The following XRN1 variants were observed in gnomAD, a reference collection of about 807,000 sequenced individuals.
The protein encoded by XRN1 is strand-exchange protein 1 homolog.
In XRN1, 67 loss-of-function variants were observed where a neutral mutation model predicts 222.3. The ratio of observed to expected loss-of-function variants is 0.30; its 90% CI spans 0.25 to 0.37. The LOEUF is 0.37. Ranked by LOEUF, XRN1 falls within the 10% of genes least tolerant of loss-of-function variation. The pLI, the probability that XRN1 is intolerant of heterozygous loss-of-function variation, is 1.00. For missense variants in XRN1, 1,707 were observed against 2,000.2 expected (o/e 0.85, Z 2.80); for synonymous variants, 643 against 652.4 (o/e 0.99, Z 0.22).
At chr3:142,356,332 C>T (rs1241826803) in intron 31 of XRN1, among the ~76,000 whole-genome samples, 1 of 152,086 alleles carries the variant, frequency 6.6e-6, no homozygotes, top group Admixed American at 6.6e-5. Flanking sequence ...TTATCATCTA[C>T]TTATCTGTGT....
intron 2 of XRN1, among the ~76,000 whole-genome samples, chr3:142,432,112 A>T (rs2069629270): frequency 1.8e-5 from 2 of 112,424 alleles, no homozygotes; most frequent in South Asian, 4.6e-4. Context: ...TTATATATAA[A>T]TATATAAATA....
chr3:142,411,809 A>G (rs941822897), intron 15 of XRN1, among the ~76,000 whole-genome samples: 24 of 150,218 alleles, frequency 1.6e-4, no homozygotes, highest in Non-Finnish European at 2.8e-4. Context: ...AATCTTCTTT[A>G]TACTTACTGA....
At chr3:142,348,571 G>A (rs2066215171) in intron 32 of XRN1, among the ~76,000 whole-genome samples, 1 of 152,108 alleles carries the variant, frequency 6.6e-6, no homozygotes, top group Admixed American at 6.6e-5. Context: ...CAGCAGAAGT[G>A]GAGGCTAGAG....
chr3:142,373,359 C>T (rs1559826953), intron 25 of XRN1, among the ~76,000 whole-genome samples: 2 of 151,746 alleles, frequency 1.3e-5, no homozygotes, highest in Non-Finnish European at 2.9e-5. Context: ...AGGATCAGTC[C>T]AGAAGGTTTA....
Position 142,307,231 on chromosome 3 carries a change from C to T in XRN1, c.*4280G>A, listed in dbSNP as rs1018057354. On this transcript the variant is annotated 3_prime_UTR_variant, in exon 41 of 41. Transcript: ENST00000392981. ...TAAAGCTAACTATGGACCAAATTCTCATTCTTTTTAATGAGAAACAGCATG... is the reference window on the plus strand; with the variant it reads ...TAAAGCTAACTATGGACCAAATTCTTATTCTTTTTAATGAGAAACAGCATG... 6.6e-6 allele frequency: 1 copy of T among 152,110 alleles called. No individual in the cohort carries two copies. The highest frequency in any genetic ancestry group is 2.4e-5 in the African/African-American group (1 of 41,426). The allele number at this position is 152,110 out of a possible 1,614,324, so 9.4% of individuals were successfully genotyped here.
At position 142,335,451 on chromosome 3, in the gene XRN1, C is replaced by T. The variant is rs2065825735; in HGVS notation, c.3936G>A (p.Lys1312=). 1.9e-6 allele frequency: 3 copies of T among 1,613,720 alleles called. No individual in the cohort carries two copies. Among genetic ancestry groups the T allele is most frequent in the African/African-American group, 1.3e-5 (1 of 74,902 alleles). Residue 1312 remains lysine, a synonymous_variant, in exon 34 of 41, where the codon AAG becomes AAA. Coordinates refer to ENST00000392981, the MANE Select transcript of XRN1 (RefSeq NM_001282857.2). ...AECWSQKMSN[K]QPNSGIENFL... ...ATTTGATTTTAAGGAAGCTTACCTG[C>T]TTATTGGACATTTTTTGGGACCAAC... is the stretch of plus-strand genomic sequence containing the variant.
chr3:142,414,527 G>T (rs111250845), intron 13 of XRN1, among the ~76,000 whole-genome samples: 2 of 148,878 alleles, frequency 1.3e-5, no homozygotes, highest in African/African-American at 5.0e-5. Flanking sequence ...ACAGAGTCTC[G>T]CTCTGTTGCC....
intron 19 of XRN1, among the ~76,000 whole-genome samples, chr3:142,398,620 G>A (rs2068017500): frequency 6.6e-6 from 1 of 152,004 alleles, no homozygotes. Context: ...TCTCACCTCG[G>A]CCTCCCAAAG....
intron 31 of XRN1, 140 bp downstream of exon 31, chr3:142,356,772 T>C: frequency 1.3e-6 from 1 of 774,328 alleles, no homozygotes; most frequent in Non-Finnish European, 2.0e-6. Context: ...CCTAGTATCT[T>C]AAATTTGGAA....
chr3:142,387,363 G>A (rs562039340), intron 20 of XRN1, among the ~76,000 whole-genome samples: 1 of 152,178 alleles, frequency 6.6e-6, no homozygotes, highest in East Asian at 1.9e-4. Context: ...GGTGTACAAG[G>A]GACTTCCTTG....
In XRN1 at chr3:142,327,999, A is replaced by G. The variant is rs530676926; in HGVS notation, c.4404+1435T>C. Among the ~76,000 whole-genome samples, 12 of 152,260 alleles carry G rather than the reference A, an allele frequency of 7.9e-5. No individual in the cohort carries two copies. The East Asian group carries it at 2.3e-3, about 29-fold the overall frequency. ...ATGTTGCTGCAAAAGACATGGTTTC[A>G]TTCTTTTTTAAAATGTCTGAACAAT... On this transcript the variant is annotated intron_variant, in intron 37 of 40. Coordinates refer to ENST00000392981, the MANE Select transcript of XRN1 (RefSeq NM_001282857.2).
At chr3:142,402,193 C>G (rs2068167916) in intron 18 of XRN1, among the ~76,000 whole-genome samples, 2 of 149,908 alleles carry the variant, frequency 1.3e-5, no homozygotes, top group African/African-American at 2.5e-5. Context: ...TTTTTTTTTC[C>G]TTTTTTGAGA....
intron 14 of XRN1, among the ~76,000 whole-genome samples, chr3:142,412,883 GACTT>G (rs921360400): frequency 3.3e-5 from 5 of 152,062 alleles, no homozygotes; most frequent in Non-Finnish European, 5.9e-5. Flanking sequence ...ACATTTTACT[GACTT>G]AGTTATGCAG....
At chr3:142,333,324 G>A (rs962950976) in intron 34 of XRN1, among the ~76,000 whole-genome samples, 1 of 152,050 alleles carries the variant, frequency 6.6e-6, no homozygotes, top group African/African-American at 2.4e-5. Context: ...CTCTTCAATA[G>A]CTTAATATTA....
At chr3:142,401,082 A>G (rs2068111648) in intron 18 of XRN1, among the ~76,000 whole-genome samples, 1 of 152,200 alleles carries the variant, frequency 6.6e-6, no homozygotes, top group African/African-American at 2.4e-5. Flanking sequence ...GAAAAGAACT[A>G]TTGACTGTTT....
intron 29 of XRN1, among the ~76,000 whole-genome samples, chr3:142,361,585 T>C (rs2066631822): frequency 6.6e-6 from 1 of 152,202 alleles, no homozygotes; most frequent in Non-Finnish European, 1.5e-5. Flanking sequence ...AGTTGCCCTA[T>C]ATCATTGTCA....
At chr3:142,419,896 A>G (rs2068939479) in intron 10 of XRN1, among the ~76,000 whole-genome samples, 1 of 152,194 alleles carries the variant, frequency 6.6e-6, no homozygotes, top group Non-Finnish European at 1.5e-5. Context: ...TCAAGTTAAC[A>G]CAAGACATTC....
intron 13 of XRN1, among the ~76,000 whole-genome samples, chr3:142,416,250 C>T (rs78743857): frequency 0.071 from 10,788 of 152,142 alleles, 1,291 homozygotes; most frequent in African/African-American, 0.25. Flanking sequence ...GATCTCAGCT[C>T]AGCTCAATTG....
At chr3:142,445,998 C>T (rs941371364) in intron 1 of XRN1, among the ~76,000 whole-genome samples, 11 of 152,178 alleles carry the variant, frequency 7.2e-5, no homozygotes, top group Non-Finnish European at 1.0e-4. Context: ...GCAATATCAA[C>T]GGTGTCTAGA....
Sources: allele counts gnomAD v4.1 joint callset (sites outside exome capture counted in the v4.1 genomes callset), GRCh38; gene constraint gnomAD v4.1.1; transcripts MANE v1.5; gene names NCBI Gene and HGNC (gene_info 2026-07-23, HGNC 2026-07-21).